GRM7: variants seen among roughly 807,000 people sequenced by gnomAD.
GRM7 encodes the protein metabotropic glutamate receptor 7.
GRM7 carries 35 observed loss-of-function variants against 84.5 expected under a neutral mutation model. The observed-to-expected ratio is 0.41, with a 90% CI of 0.32 to 0.55. The LOEUF is 0.55. GRM7 is among the 20% of genes least tolerant of loss of function. The pLI, the probability that GRM7 is intolerant of heterozygous loss-of-function variation, is 0.19. For missense variants in GRM7, 1,003 were observed against 1,194.6 expected, an observed-to-expected ratio of 0.84 and a Z score of 2.36; for synonymous variants, 487 against 455.1, an observed-to-expected ratio of 1.07 and a Z score of -0.89.
intron 4 of GRM7, among the ~76,000 whole-genome samples, chr3:7,373,900 C>T (rs1694238755): frequency 6.6e-6 from 1 of 152,200 alleles, no homozygotes; most frequent in African/African-American, 2.4e-5. Context: ...AGAGGAACTG[C>T]ATTTTTATTT....
chr3:7,057,725 G>A (rs1214337074), intron 1 of GRM7, among the ~76,000 whole-genome samples: 1 of 151,914 alleles, frequency 6.6e-6, no homozygotes, highest in East Asian at 1.9e-4. Flanking sequence ...TGGAGAAATG[G>A]AGGCTCAATG....
chr3:6,865,059 A>C (rs2124930718), intron 1 of GRM7, among the ~76,000 whole-genome samples: 1 of 152,354 alleles, frequency 6.6e-6, no homozygotes, highest in African/African-American at 2.4e-5. Flanking sequence ...TTTGAGGCTA[A>C]TGAAATTAGT....
Position 6,937,622 on chromosome 3 carries a change from C to A in GRM7, c.519+75715C>A, listed in dbSNP as rs529445125. Among the ~76,000 whole-genome samples, 7 of 152,356 alleles carry A rather than the reference C, an allele frequency of 4.6e-5. No individual in the cohort carries two copies. The South Asian group carries it at 1.2e-3, about 27-fold the overall frequency. On this transcript the variant is annotated intron_variant, in intron 1 of 9. Coordinates refer to ENST00000357716, the MANE Select transcript of GRM7 (RefSeq NM_000844.4). The stretch of plus-strand genomic sequence containing the variant: ...AAGGAACCAAACAGCCTCAGACACT[C>A]TTCCTGAAAGTGGTCATCTTAATTC...
chr3:7,725,976 A>G (rs181709671), intron 9 of GRM7, among the ~76,000 whole-genome samples: 4 of 152,338 alleles, frequency 2.6e-5, no homozygotes, highest in African/African-American at 9.6e-5. Flanking sequence ...GAAATATTTT[A>G]GGAGGCCATT....
intron 4 of GRM7, among the ~76,000 whole-genome samples, chr3:7,331,038 A>G (rs1300136672): frequency 6.6e-6 from 1 of 152,108 alleles, no homozygotes; most frequent in Non-Finnish European, 1.5e-5. Context: ...ATTTTTCTTT[A>G]CAACACTTAT....
intron 1 of GRM7, among the ~76,000 whole-genome samples, chr3:6,966,589 C>G (rs1005371478): frequency 2.0e-5 from 3 of 152,156 alleles, no homozygotes; most frequent in Non-Finnish European, 4.4e-5. Context: ...TCTTCTTATA[C>G]TTACCTTGCA....
chr3:7,409,847 A>T (rs868283819), intron 4 of GRM7, among the ~76,000 whole-genome samples: 1 of 151,938 alleles, frequency 6.6e-6, no homozygotes, highest in East Asian at 1.9e-4. Flanking sequence ...TGATCTGCCC[A>T]CCTCAGCCTC....
At chr3:7,447,845 C>T (rs1205757750) in intron 5 of GRM7, among the ~76,000 whole-genome samples, 2 of 150,702 alleles carry the variant, frequency 1.3e-5, no homozygotes, top group Non-Finnish European at 3.0e-5. Flanking sequence ...GTGTGCTGCA[C>T]CCATTAACTC....
At chr3:7,355,012 A>T (rs1693330524) in intron 4 of GRM7, among the ~76,000 whole-genome samples, 1 of 152,160 alleles carries the variant, frequency 6.6e-6, no homozygotes, top group Non-Finnish European at 1.5e-5. Context: ...CATTAATGAC[A>T]TGCTGACTGG....
intron 8 of GRM7, among the ~76,000 whole-genome samples, chr3:7,602,318 C>A (rs535885458): frequency 6.6e-6 from 1 of 152,170 alleles, no homozygotes; most frequent in East Asian, 1.9e-4. Context: ...TCAGGTTTTA[C>A]AACCTGTGAA....
intron 2 of GRM7, among the ~76,000 whole-genome samples, chr3:7,253,432 T>C (rs972896118): frequency 6.6e-6 from 1 of 151,898 alleles, no homozygotes; most frequent in African/African-American, 2.4e-5. Flanking sequence ...CTGGCCAATA[T>C]GGTGAAACCC....
In GRM7 at chr3:7,392,013, G is replaced by A. The variant is rs116966120; in HGVS notation, c.1034-23010G>A. 3.4e-3 allele frequency among the ~76,000 whole-genome samples: 518 copies of A among 152,284 alleles called. 5 individuals carry two copies. Among genetic ancestry groups the A allele is most frequent in the South Asian group, 0.024 (115 of 4,830 alleles). ...TCTCTACATCTATTCTTGAGTTTTG[G>A]TGGTGCCACCTTCAGTAGCTGGTGC... On this transcript the variant is annotated intron_variant, in intron 4 of 9. Coordinates refer to ENST00000357716, the MANE Select transcript of GRM7 (RefSeq NM_000844.4).
intron 1 of GRM7, among the ~76,000 whole-genome samples, chr3:6,985,306 T>C (rs954226468): frequency 6.6e-6 from 1 of 152,152 alleles, no homozygotes; most frequent in Non-Finnish European, 1.5e-5. Context: ...GTAGGTCTTA[T>C]TCATTCTTTC....
intron 9 of GRM7, among the ~76,000 whole-genome samples, chr3:7,695,015 A>C (rs1257581671): frequency 3.9e-5 from 6 of 152,208 alleles, no homozygotes; most frequent in South Asian, 2.1e-4. Context: ...ACGGCATTGA[A>C]GTGATGGTGA....
chr3:7,218,322 G>A (rs1481470158), intron 2 of GRM7, among the ~76,000 whole-genome samples: 1 of 152,016 alleles, frequency 6.6e-6, no homozygotes, highest in Admixed American at 6.5e-5. Context: ...TGGCAATAAA[G>A]GGCGTTGCCT....
intron 4 of GRM7, among the ~76,000 whole-genome samples, chr3:7,336,743 C>T (rs373832209): frequency 1.9e-4 from 29 of 151,850 alleles, no homozygotes; most frequent in South Asian, 1.3e-3. Context: ...CGGCTATACA[C>T]CAAGAGCGAC....
chr3:7,376,147 C>T (rs916230409), intron 4 of GRM7, among the ~76,000 whole-genome samples: 5 of 152,154 alleles, frequency 3.3e-5, no homozygotes, highest in East Asian at 1.9e-4. Context: ...GACTTAGTGT[C>T]TGCATCATGC....
At chr3:7,382,676 G>C (rs1444308578) in intron 4 of GRM7, among the ~76,000 whole-genome samples, 1 of 152,058 alleles carries the variant, frequency 6.6e-6, no homozygotes, top group Non-Finnish European at 1.5e-5. Flanking sequence ...AGGATTGAAA[G>C]GAAAAAAATA....
At chr3:7,391,857 G>A (rs1575266252) in intron 4 of GRM7, among the ~76,000 whole-genome samples, 1 of 152,064 alleles carries the variant, frequency 6.6e-6, no homozygotes, top group East Asian at 1.9e-4. Flanking sequence ...GCCTTCAGTG[G>A]GGGTGGAGCC....
Sources: allele counts gnomAD v4.1 joint callset (sites outside exome capture counted in the v4.1 genomes callset), GRCh38; gene constraint gnomAD v4.1.1; transcripts MANE v1.5; gene names NCBI Gene and HGNC (gene_info 2026-07-23, HGNC 2026-07-21).